Variants in PSG6 observed in about 807,000 individuals in gnomAD.
PSG6 encodes the protein pregnancy specific beta-1-glycoprotein 6.
Under a neutral mutation model 43.3 loss-of-function variants are expected in PSG6, and 51 were observed. The observed-to-expected ratio is 1.18, with a 90% CI of 0.94 to 1.49. The LOEUF is 1.49. Among genes scored for constraint, PSG6 ranks in the 40% most tolerant of loss-of-function variants. The pLI is 0.00. For synonymous variants in PSG6, 292 were observed against 197.6 expected (o/e 1.48, Z -4.01); for missense variants, 770 against 522.2 (o/e 1.47, Z -4.62).
At chr19:42,908,200 A>T (rs1389061327) in intron 3 of PSG6, among the ~76,000 whole-genome samples, 1 of 151,570 alleles carries the variant, frequency 6.6e-6, no homozygotes. Flanking sequence ...TGGAATGTGC[A>T]ACTGCTGGGC....
In PSG6 at chr19:42,907,996, T is replaced by C. The variant is rs1972151824; in HGVS notation, c.707-142A>G. On this transcript the variant is annotated intron_variant, in intron 3 of 5. Transcript: ENST00000187910. ...GCTGGTGCATGTGTCACAAGACAGA[T>C]GTATGATGATCTAAGGGCTCAAAGA... 6 of 1,308,634 alleles carry C rather than the reference T, an allele frequency of 4.6e-6. 1 individual carries two copies. The South Asian group carries it at 8.5e-5, about 18-fold the overall frequency. The allele number at this position is 1,308,634 out of a possible 1,614,324, so 81.1% of individuals were successfully genotyped here.
In PSG6 at chr19:42,917,780, A is replaced by G; in HGVS notation, c.13T>C (p.Ser5Pro). The part of the protein sequence containing the change: MGPL[S>P]APPCTQHITW... The stretch of plus-strand genomic sequence containing the variant: ...ATGTGCTGAGTGCAGGGAGGGGCTG[A>G]GAGGGGTCCCATGGTCTCTGCTGTC... The change falls in exon 1 of 6, where the codon TCA (serine) becomes CCA (proline). Residue 5 changes from serine (S) to proline (P), a missense_variant. Coordinates refer to ENST00000187910, the MANE Select transcript of PSG6 (RefSeq NM_001031850.4). 2 of 1,609,884 alleles carry G rather than the reference A, an allele frequency of 1.2e-6. No homozygotes were observed. Among genetic ancestry groups the G allele is most frequent in the South Asian group, 1.1e-5 (1 of 90,536 alleles).
intron 3 of PSG6, 186 bp from the exon 4 acceptor site, chr19:42,908,040 T>A (rs1481487704): frequency 3.0e-6 from 3 of 997,992 alleles, no homozygotes; most frequent in African/African-American, 3.2e-5. Flanking sequence ...CCTCCTGCTC[T>A]GTCTTAGGGA....
intron 2 of PSG6, among the ~76,000 whole-genome samples, chr19:42,914,197 A>G (rs1475133849): frequency 2.0e-5 from 3 of 151,376 alleles, no homozygotes; most frequent in Non-Finnish European, 4.4e-5. Flanking sequence ...GGTTTCTCTT[A>G]GTGACCTGGG....
chr19:42,907,992 C>T (rs1972151749), intron 3 of PSG6, 138 bp from the exon 4 acceptor site: 5 of 1,328,748 alleles, frequency 3.8e-6, no homozygotes, highest in Non-Finnish European at 5.2e-6. Flanking sequence ...TGTCACAAGA[C>T]AGATGTATGA....
chr19:42,907,016 T>C lies in PSG6; in HGVS notation c.1146A>G (p.Gln382=), dbSNP rs143212498. Residue 382 remains glutamine (Q), a synonymous_variant, in exon 5 of 6, where the codon CAA becomes CAG. Coordinates refer to ENST00000187910, the MANE Select transcript of PSG6 (RefSeq NM_001031850.4). The part of the protein sequence containing the change: ...QLSGQKLFIP[Q]ITTNHSGLYA... ...AGAGCCCGCTATGATTTGTAGTAAT[T>C]TGGGGGATAAAGAGCTTTTGTCCTG... is the stretch of plus-strand genomic sequence containing the variant. 44 of 1,612,342 alleles carry C rather than the reference T, an allele frequency of 2.7e-5. 2 individuals carry two copies. The highest frequency in any genetic ancestry group is 9.9e-5 in the South Asian group (9 of 90,836).
chr19:42,911,899 A>G (rs933633175), intron 2 of PSG6, among the ~76,000 whole-genome samples: 8 of 151,616 alleles, frequency 5.3e-5, no homozygotes, highest in Admixed American at 5.3e-4. Context: ...GCAGCAACTG[A>G]AATCACGGGT....
In PSG6 at chr19:42,916,209, C is replaced by T; in HGVS notation, c.343G>A (p.Asp115Asn). ...ATGTGTAAGGTGTAGGATCCTGCAT[C>T]CTCCTGTGTGACATTCTGGATCAGC... ...SLLIQNVTQE[D>N]AGSYTLHIIK... Residue 115 changes from aspartate (D) to asparagine (N), a missense_variant, in exon 2 of 6, where the codon GAT becomes AAT. By Grantham distance (23) the Asp-to-Asn change is conservative. Transcript: ENST00000187910. 2 of 1,612,252 alleles carry T rather than the reference C, an allele frequency of 1.2e-6. No homozygotes were observed. Among genetic ancestry groups the T allele is most frequent in the South Asian group, 2.2e-5 (2 of 90,644 alleles).
chr19:42,913,651 T>G (rs117976773), intron 2 of PSG6, among the ~76,000 whole-genome samples: 6 of 151,714 alleles, frequency 4.0e-5, no homozygotes, highest in African/African-American at 1.5e-4. Context: ...TGGGCTTAAT[T>G]GCTCCTATAA....
At chr19:42,911,677 C>A (rs948544998) in intron 2 of PSG6, among the ~76,000 whole-genome samples, 1 of 151,746 alleles carries the variant, frequency 6.6e-6, no homozygotes, top group Non-Finnish European at 1.5e-5. Flanking sequence ...AAATGCAGAA[C>A]TGACTGGTGG....
rs146648191 is a variant in PSG6 at position 42,916,342 on chromosome 19, C to T, written c.210G>A (p.Gly70=). Residue 70 remains glycine (G), a synonymous_variant, in exon 2 of 6, where the codon GGG becomes GGA. Transcript: ENST00000187910. Reference sequence around the variant, plus strand: ...TGTAATGGTAGAGGTCCGTCATTTGCCCTTTGTACCAGATGTAGCCAGTAA... The same window carrying T: ...TGTAATGGTAGAGGTCCGTCATTTGTCCTTTGTACCAGATGTAGCCAGTAA... ...QNLTGYIWYK[G]QMTDLYHYIT... The T allele has an allele frequency of 1.6e-4, 255 of 1,612,076 alleles. 14 individuals are homozygous for T. The East Asian group carries it at 4.9e-3, about 31-fold the overall frequency.
At position 42,910,793 on chromosome 19, in the gene PSG6, G is replaced by A. The variant is rs142866380; in HGVS notation, c.493C>T (p.Arg165Cys). 3.2e-5 allele frequency: 51 copies of A among 1,612,150 alleles called. 3 individuals carry two copies. The highest frequency in any genetic ancestry group is 1.3e-4 in the East Asian group (6 of 44,802). ...GGAGTCTCAGGATCACAGATTAAGC[G>A]CACAGCCTCCATGACCTCCCTGGGG... Reference protein sequence around the residue: ...LNPREVMEAVRLICDPETPDA... With the variant: ...LNPREVMEAVCLICDPETPDA... The change falls in exon 3 of 6, where the codon CGC becomes TGC. Residue 165 changes from arginine to cysteine, a missense_variant. By Grantham distance (180) the Arg-to-Cys change is radical (BLOSUM62 -3). Transcript: ENST00000187910.
At chr19:42,903,768 C>T (rs772470517) in intron 5 of PSG6, 16 of 1,499,692 alleles carry the variant, frequency 1.1e-5, no homozygotes, top group Non-Finnish European at 6.2e-6. Flanking sequence ...TGACATGCAC[C>T]TGTAGTCCTA....
rs1233324673 is a variant in PSG6, at chr19:42,914,850, A to T, written c.427+1275T>A. Among the ~76,000 whole-genome samples, 3 of 142,310 alleles carry T rather than the reference A, an allele frequency of 2.1e-5. 1 individual carries two copies. The highest frequency in any genetic ancestry group is 4.5e-5 in the Non-Finnish European group (3 of 66,408). The allele number at this position is 142,310 out of a possible 152,430, so 93.4% of individuals were successfully genotyped here. A position where few individuals can be genotyped will look rare whatever the true frequency, so the allele number is the denominator to read the frequency against. On this transcript the variant is annotated intron_variant, in intron 2 of 5. Coordinates refer to ENST00000187910, the MANE Select transcript of PSG6 (RefSeq NM_001031850.4). ...ACAAGGTCCTCTCCTTGATCCTCTC[A>T]TGACGGTGACATGGACACTTGGGAA...
rs750179815 is a variant in PSG6, at chr19:42,907,662, G to A, written c.899C>T (p.Thr300Met). 23 of 1,611,086 alleles carry A rather than the reference G, an allele frequency of 1.4e-5. No homozygotes were observed. The highest frequency in any genetic ancestry group is 1.8e-5 in the Non-Finnish European group (21 of 1,179,130). Residue 300 changes from threonine (T) to methionine (M), a missense_variant, in exon 4 of 6, where the codon ACG becomes ATG. Transcript: ENST00000187910. Reference protein sequence around the residue: ...ENRILILPSVTRNETGPYQCE... With the variant: ...ENRILILPSVMRNETGPYQCE... ...TTGATAGGGTCCTGTTTCATTTCTC[G>A]TGACACTGGGTAGAATGAGTATCCT...
rs1318208521 is a variant in PSG6 at position 42,916,275 on chromosome 19, C to T, written c.277G>A (p.Ala93Thr). Residue 93 changes from alanine to threonine, a missense_variant, in exon 2 of 6, where the codon GCC becomes ACC. Coordinates refer to ENST00000187910, the MANE Select transcript of PSG6 (RefSeq NM_001031850.4). ...TATACTGTTTCTCGTCCACTGTAGG[C>T]AGGCCCATATATAATTTGACCGTGT... ...VVHGQIIYGPAYSGRETVYSN... is the reference protein window; with the variant it reads ...VVHGQIIYGPTYSGRETVYSN... 1.9e-6 allele frequency: 3 copies of T among 1,612,152 alleles called. No homozygotes were observed. The highest frequency in any genetic ancestry group is 1.1e-5 in the South Asian group (1 of 90,636).
chr19:42,903,778 A>C lies in PSG6; in HGVS notation c.1241-1332T>G, dbSNP rs551988716. On this transcript the variant is annotated intron_variant, in intron 5 of 5. Coordinates refer to ENST00000187910, the MANE Select transcript of PSG6 (RefSeq NM_001031850.4). ...CATGTTGACATGCACCTGTAGTCCTAGCATCTTGGGAGGCTGAAGAAGGAG... is the reference window on the plus strand; with the variant it reads ...CATGTTGACATGCACCTGTAGTCCTCGCATCTTGGGAGGCTGAAGAAGGAG... The C allele has an allele frequency of 7.2e-5, 107 of 1,476,328 alleles. 5 individuals carry two copies. In the South Asian group the frequency reaches 1.1e-3, roughly 15 times the overall value. The allele number at this position is 1,476,328 out of a possible 1,614,324, so 91.5% of individuals were successfully genotyped here. A position where few individuals can be genotyped will look rare whatever the true frequency, so the allele number is the denominator to read the frequency against.
rs373883813 is a variant in PSG6, at chr19:42,907,562, C to G, written c.985+14G>C. The G allele has an allele frequency of 1.3e-4, 208 of 1,611,354 alleles. 6 individuals carry two copies. Among genetic ancestry groups the G allele is most frequent in the Admixed American group, 1.5e-4 (9 of 59,886 alleles). ...GCTGGTGTCCTGGCCCACAGAGGAA[C>G]AAAGGATACTCACAGAGGACATTCA... On this transcript the variant is annotated intron_variant, in intron 4 of 5. Transcript: ENST00000187910.
chr19:42,910,897 C>T (rs1284529603), intron 2 of PSG6, 39 bp from the exon 3 acceptor site: 1 of 1,563,746 alleles, frequency 6.4e-7, no homozygotes, highest in Non-Finnish European at 8.7e-7. Context: ...CTGTGTGGCA[C>T]CTTTGATTCC....
Sources: gnomAD v4.1 joint callset for allele counts (sites outside exome capture counted in the v4.1 genomes callset) on GRCh38, gnomAD v4.1.1 for gene constraint, MANE v1.5 for transcripts, NCBI Gene and HGNC (gene_info 2026-07-23, HGNC 2026-07-21) for gene names.